PTPRN2: variants seen among roughly 807,000 people sequenced by gnomAD.
PTPRN2 encodes the protein protein tyrosine phosphatase receptor type N2.
PTPRN2 carries 74 observed loss-of-function variants against 118.8 expected under a neutral mutation model. That is an observed-to-expected ratio of 0.62 (90% CI 0.52 to 0.76). The LOEUF (loss-of-function observed/expected upper bound fraction) is 0.76. Among genes scored for constraint, PTPRN2 ranks in the 30% least tolerant of loss-of-function variants. PTPRN2 has a pLI of 0.00. For missense variants in PTPRN2, 1,481 were observed against 1,394.4 expected, an observed-to-expected ratio of 1.06 and a Z score of -0.99; for synonymous variants, 641 against 608.0, an observed-to-expected ratio of 1.05 and a Z score of -0.80.
chr7:158,392,375 C>T (rs35809824), intron 2 of PTPRN2, among the ~76,000 whole-genome samples: 61,380 of 152,058 alleles, frequency 0.4, 13,970 homozygotes, highest in East Asian at 0.76. Context: ...AGGCACAGGG[C>T]AACCCCAAGT....
chr7:158,327,121 GCACA>G (rs750540688), intron 2 of PTPRN2, among the ~76,000 whole-genome samples: 1 of 115,746 alleles, frequency 8.6e-6, no homozygotes, highest in East Asian at 2.6e-4. Context: ...TCTCACACAA[GCACA>G]CACATACACA....
At chr7:157,620,685 C>A (rs1803113395) in intron 15 of PTPRN2, among the ~76,000 whole-genome samples, 1 of 152,166 alleles carries the variant, frequency 6.6e-6, no homozygotes, top group African/African-American at 2.4e-5. Context: ...GCAGATGTCC[C>A]CAGGCCCGTG....
intron 12 of PTPRN2, among the ~76,000 whole-genome samples, chr7:157,741,899 T>C (rs929477088): frequency 6.6e-6 from 1 of 152,238 alleles, no homozygotes. Flanking sequence ...GCCAGCTCTA[T>C]GTCTGGTTCA....
rs80119464 is a variant in PTPRN2 at position 158,388,158 on chromosome 7, G to A, written c.164-71226C>T. Among the ~76,000 whole-genome samples the A allele has an allele frequency of 2.5e-3, 379 of 152,100 alleles. 1 individual carries two copies. The highest frequency in any genetic ancestry group is 8.5e-3 in the African/African-American group (354 of 41,488). ...GTGTCGGCTTCACTCTGCAGGTCTC[G>A]GCAAGGAGCACCCCTGTCCACACTG... On this transcript the variant is annotated intron_variant, in intron 2 of 22. Coordinates refer to ENST00000389418, the MANE Select transcript of PTPRN2 (RefSeq NM_002847.5).
At chr7:157,955,030 G>A (rs1046264944) in intron 11 of PTPRN2, among the ~76,000 whole-genome samples, 1 of 152,174 alleles carries the variant, frequency 6.6e-6, no homozygotes, top group Non-Finnish European at 1.5e-5. Flanking sequence ...TGAAGCGGGT[G>A]GGGTGGAGGG....
intron 11 of PTPRN2, among the ~76,000 whole-genome samples, chr7:158,012,619 AT>A (rs1391282725): frequency 2.6e-5 from 4 of 152,200 alleles, no homozygotes; most frequent in Non-Finnish European, 5.9e-5. Flanking sequence ...TGTTTCTCAT[AT>A]AAAAATGTGA....
chr7:157,721,477 G>A lies in PTPRN2; in HGVS notation c.1789-38540C>T, dbSNP rs150212432. ...TGTCCATGCCAAAGCATCTCCACAC[G>A]TCGAGAGCTTCGGATGTGCACAGCT... On this transcript the variant is annotated intron_variant, in intron 12 of 22. Coordinates refer to ENST00000389418, the MANE Select transcript of PTPRN2 (RefSeq NM_002847.5). Among the ~76,000 whole-genome samples, 19 of 152,330 alleles carry A rather than the reference G, an allele frequency of 1.2e-4. No homozygotes were observed. In the South Asian group the frequency reaches 2.3e-3, roughly 18 times the overall value.
intron 3 of PTPRN2, among the ~76,000 whole-genome samples, chr7:158,253,093 A>G (rs1362804574): frequency 6.6e-6 from 1 of 152,206 alleles, no homozygotes; most frequent in African/African-American, 2.4e-5. Context: ...TCTGTTTTTT[A>G]GCCAAGTGCT....
chr7:158,579,255 GC>G (rs1402778048), intron 1 of PTPRN2, among the ~76,000 whole-genome samples: 1 of 152,190 alleles, frequency 6.6e-6, no homozygotes. Flanking sequence ...TAATGGCAAT[GC>G]TTTTGCAATA....
At chr7:157,927,461 AC>A (rs1799085509) in intron 11 of PTPRN2, among the ~76,000 whole-genome samples, 1 of 105,326 alleles carries the variant, frequency 9.5e-6, no homozygotes, top group African/African-American at 4.9e-5. Context: ...AGCCCCAGGG[AC>A]CCTTCTGAGA....
intron 6 of PTPRN2, among the ~76,000 whole-genome samples, chr7:158,148,571 CAT>C (rs1820463623): frequency 7.8e-6 from 1 of 128,024 alleles, no homozygotes; most frequent in African/African-American, 3.0e-5. Context: ...TCTCACGCCA[CAT>C]GTCTTTCCCC....
At chr7:158,000,075 T>TG (rs1805099342) in intron 11 of PTPRN2, among the ~76,000 whole-genome samples, 1 of 152,012 alleles carries the variant, frequency 6.6e-6, no homozygotes, top group African/African-American at 2.4e-5. Context: ...TTAGTAGGGA[T>TG]GGGGCTTCAC....
intron 3 of PTPRN2, among the ~76,000 whole-genome samples, chr7:158,270,852 GCCCC>G (rs869200710): frequency 1.2e-4 from 1 of 8,064 alleles, no homozygotes; most frequent in African/African-American, 6.7e-4. Flanking sequence ...CACCTGGACC[GCCCC>G]CCCACCTGGA....
intron 9 of PTPRN2, among the ~76,000 whole-genome samples, chr7:158,117,874 A>G (rs1208088486): frequency 6.6e-6 from 1 of 152,210 alleles, no homozygotes; most frequent in Non-Finnish European, 1.5e-5. Flanking sequence ...GATAAACCAA[A>G]GCTGAGAGAG....
intron 2 of PTPRN2, among the ~76,000 whole-genome samples, chr7:158,436,740 C>T (rs926105386): frequency 6.6e-6 from 1 of 152,214 alleles, no homozygotes; most frequent in Non-Finnish European, 1.5e-5. Flanking sequence ...GTTCATCACA[C>T]TTCTGGTCTC....
At chr7:158,094,816 C>A (rs1426017046) in intron 10 of PTPRN2, among the ~76,000 whole-genome samples, 3 of 152,312 alleles carry the variant, frequency 2.0e-5, no homozygotes, top group East Asian at 3.9e-4. Context: ...AACTCCTCCC[C>A]CTGAGTGTTC....
chr7:158,150,670 G>T (rs950025982), intron 6 of PTPRN2, among the ~76,000 whole-genome samples: 2 of 152,016 alleles, frequency 1.3e-5, no homozygotes, highest in Admixed American at 6.6e-5. Flanking sequence ...AACCCAGGGG[G>T]GTCACTGAGG....
chr7:157,822,790 C>G (rs1646481084), intron 12 of PTPRN2, among the ~76,000 whole-genome samples: 1 of 151,890 alleles, frequency 6.6e-6, no homozygotes, highest in Admixed American at 6.6e-5. Flanking sequence ...TCCTATATAT[C>G]CATCAGCCCA....
intron 11 of PTPRN2, among the ~76,000 whole-genome samples, chr7:158,024,753 G>T (rs2128878327): frequency 6.6e-6 from 1 of 152,358 alleles, no homozygotes; most frequent in Non-Finnish European, 1.5e-5. Flanking sequence ...AGGAGCTGAT[G>T]AAGGCTTTCC....
Sources: gnomAD v4.1 joint callset for allele counts (sites outside exome capture counted in the v4.1 genomes callset) on GRCh38, gnomAD v4.1.1 for gene constraint, MANE v1.5 for transcripts, NCBI Gene and HGNC (gene_info 2026-07-23, HGNC 2026-07-21) for gene names.